The following SRRM4 variants were observed in gnomAD, a reference collection of about 807,000 sequenced individuals.
SRRM4 encodes serine/arginine repetitive matrix protein 4.
In SRRM4, 33 loss-of-function variants were observed where a neutral mutation model predicts 68.9. That is an observed-to-expected ratio of 0.48 (90% CI 0.36 to 0.64). SRRM4 has a LOEUF of 0.64. SRRM4 is among the 30% of genes least tolerant of loss of function. The pLI is 0.00. For synonymous variants in SRRM4, 318 were observed against 318.8 expected (o/e 1.00, Z 0.03); for missense variants, 817 against 827.1 (o/e 0.99, Z 0.15).
intron 9 of SRRM4, among the ~76,000 whole-genome samples, chr12:119,145,948 A>G (rs1323815793): frequency 6.6e-6 from 1 of 152,142 alleles, no homozygotes; most frequent in Non-Finnish European, 1.5e-5. Context: ...TACTGGCCTT[A>G]TTCTCAAGCA....
At chr12:119,059,440 G>A (rs1953797432) in intron 1 of SRRM4, among the ~76,000 whole-genome samples, 1 of 152,140 alleles carries the variant, frequency 6.6e-6, no homozygotes, top group Non-Finnish European at 1.5e-5. Flanking sequence ...AGCTTACAGA[G>A]GAAGTACTGA....
At chr12:119,004,464 G>T (rs919406360) in intron 1 of SRRM4, among the ~76,000 whole-genome samples, 2 of 152,116 alleles carry the variant, frequency 1.3e-5, no homozygotes, top group Non-Finnish European at 2.9e-5. Flanking sequence ...GCTCCTGAGA[G>T]GGGGAGGGGA....
chr12:119,118,857 A>C (rs1954199308), intron 4 of SRRM4, among the ~76,000 whole-genome samples: 1 of 152,148 alleles, frequency 6.6e-6, no homozygotes, highest in Non-Finnish European at 1.5e-5. Context: ...CCCAGGTCTT[A>C]GAGCTTTACA....
At chr12:119,063,518 C>T (rs1361114034) in intron 1 of SRRM4, among the ~76,000 whole-genome samples, 2 of 152,184 alleles carry the variant, frequency 1.3e-5, no homozygotes, top group African/African-American at 4.8e-5. Flanking sequence ...TGCCTTAAAA[C>T]TTCTAGCCAG....
chr12:119,084,019 C>T (rs1953965216), intron 1 of SRRM4, among the ~76,000 whole-genome samples: 1 of 152,202 alleles, frequency 6.6e-6, no homozygotes, highest in African/African-American at 2.4e-5. Context: ...CAAAGTGCAT[C>T]ACCTCATTGA....
intron 1 of SRRM4, among the ~76,000 whole-genome samples, chr12:119,040,135 G>T (rs58832215): frequency 0.028 from 4,336 of 152,162 alleles, 226 homozygotes; most frequent in African/African-American, 0.099. Context: ...AAAGGCACCT[G>T]TCCCTACATT....
chr12:119,029,535 G>A (rs1186989646), intron 1 of SRRM4, among the ~76,000 whole-genome samples: 1 of 152,198 alleles, frequency 6.6e-6, no homozygotes, highest in Non-Finnish European at 1.5e-5. Context: ...CCCTCTCTGT[G>A]CCAGGGACTG....
intron 1 of SRRM4, among the ~76,000 whole-genome samples, chr12:119,072,377 C>G (rs942435371): frequency 6.6e-6 from 1 of 152,166 alleles, no homozygotes. Context: ...CTACCTTCTC[C>G]CCAGGCAGCC....
intron 1 of SRRM4, among the ~76,000 whole-genome samples, chr12:119,068,788 T>C (rs1164390674): frequency 1.3e-5 from 2 of 151,846 alleles, no homozygotes; most frequent in African/African-American, 2.4e-5. Flanking sequence ...CTAATTGATC[T>C]TAAAAGGAAG....
At chr12:119,075,519 T>C (rs1288210078) in intron 1 of SRRM4, among the ~76,000 whole-genome samples, 2 of 147,564 alleles carry the variant, frequency 1.4e-5, no homozygotes, top group Admixed American at 6.7e-5. Flanking sequence ...ATGATGGTGG[T>C]AATGATGGTG....
intron 1 of SRRM4, among the ~76,000 whole-genome samples, chr12:119,095,053 C>T (rs1236354078): frequency 6.6e-6 from 1 of 152,186 alleles, no homozygotes; most frequent in African/African-American, 2.4e-5. Context: ...TTCCTCTAAG[C>T]TCTATTGCTT....
At chr12:119,153,875 A>T (rs1365572132) in intron 11 of SRRM4, among the ~76,000 whole-genome samples, 1 of 151,852 alleles carries the variant, frequency 6.6e-6, no homozygotes, top group Non-Finnish European at 1.5e-5. Context: ...CATACCCCAG[A>T]ATTCACATCC....
intron 4 of SRRM4, 61 bp downstream of exon 4, chr12:119,117,069 G>GACCTTTTAGT: frequency 7.5e-7 from 1 of 1,326,938 alleles, no homozygotes; most frequent in Non-Finnish European, 1.1e-6. Context: ...GACAGTTGAT[G>GACCTTTTAGT]GCACTAAAAG....
intron 1 of SRRM4, among the ~76,000 whole-genome samples, chr12:119,064,157 C>G (rs1398178002): frequency 1.3e-5 from 2 of 152,180 alleles, no homozygotes; most frequent in Admixed American, 1.3e-4. Context: ...GCTTCCTTGG[C>G]CATTTCATTT....
intron 4 of SRRM4, among the ~76,000 whole-genome samples, chr12:119,118,445 C>A (rs1954195219): frequency 1.3e-5 from 2 of 152,214 alleles, no homozygotes; most frequent in South Asian, 4.1e-4. Context: ...AGGGATATGA[C>A]CACATCTCAG....
At chr12:119,012,808 T>G (rs1917879) in intron 1 of SRRM4, among the ~76,000 whole-genome samples, 91,240 of 152,008 alleles carry the variant, frequency 0.6, 28,217 homozygotes, top group Middle Eastern at 0.7. Flanking sequence ...TTTTCTTGTC[T>G]CTATTGATAC....
At chr12:119,044,371 AGGTAC>A (rs1314872832) in intron 1 of SRRM4, among the ~76,000 whole-genome samples, 1 of 152,210 alleles carries the variant, frequency 6.6e-6, no homozygotes, top group Non-Finnish European at 1.5e-5. Context: ...GGGCTTGGGC[AGGTAC>A]AGACAGTAGC....
At chr12:119,153,490 C>A in intron 10 of SRRM4, 49 bp from the exon 11 acceptor site, 1 of 1,300,450 alleles carries the variant, frequency 7.7e-7, no homozygotes, top group Non-Finnish European at 1.1e-6. Context: ...CTTGGATAAC[C>A]CAGGCGGACA....
chr12:119,049,176 G>A lies in SRRM4; in HGVS notation c.132-53060G>A, dbSNP rs149383476. Reference sequence around the variant, plus strand: ...ACGTGGTAAGGGGGATAGGAAAAGCGTGGCATTGGACAGGTGTCCCAGGTT... The same window carrying A: ...ACGTGGTAAGGGGGATAGGAAAAGCATGGCATTGGACAGGTGTCCCAGGTT... On this transcript the variant is annotated intron_variant, in intron 1 of 12. Transcript: ENST00000267260. Among the ~76,000 whole-genome samples, 475 of 152,298 alleles carry A rather than the reference G, an allele frequency of 3.1e-3. 1 individual carries two copies. Among genetic ancestry groups the A allele is most frequent in the African/African-American group, 0.011 (453 of 41,560 alleles).
Sources: gnomAD v4.1 joint callset for allele counts (sites outside exome capture counted in the v4.1 genomes callset) on GRCh38, gnomAD v4.1.1 for gene constraint, MANE v1.5 for transcripts, NCBI Gene and HGNC (gene_info 2026-07-23, HGNC 2026-07-21) for gene names.